UCHL1: variants seen among roughly 807,000 people sequenced by gnomAD.
UCHL1 encodes ubiquitin C-terminal hydrolase L1, also known as ubiquitin carboxyl-terminal hydrolase isozyme L1.
A neutral mutation model predicts 33.3 loss-of-function variants in UCHL1; 5 were observed. The observed-to-expected ratio is 0.15, with a 90% CI of 0.08 to 0.32. The LOEUF is 0.32. Ranked by LOEUF, UCHL1 falls within the 10% of genes least tolerant of loss-of-function variation. UCHL1 has a pLI of 1.00. For synonymous variants in UCHL1, 132 were observed against 108.8 expected (o/e 1.21, Z -1.33); for missense variants, 236 against 280.0 (o/e 0.84, Z 1.12).
At chr4:41,257,895 C>T (rs1282227064) in intron 3 of UCHL1, among the ~76,000 whole-genome samples, 158 bp downstream of exon 3, 2 of 152,202 alleles carry the variant, frequency 1.3e-5, no homozygotes, top group Non-Finnish European at 2.9e-5. Flanking sequence ...TACCTACTCC[C>T]TGGGCTCCTG....
At chr4:41,267,822 C>T (rs897168180) in intron 8 of UCHL1, among the ~76,000 whole-genome samples, 165 bp from the exon 9 acceptor site, 1 of 152,076 alleles carries the variant, frequency 6.6e-6, no homozygotes, top group Non-Finnish European at 1.5e-5. Context: ...CCTTGTCTTT[C>T]CCATCACCTG....
chr4:41,258,973 C>T (rs1176727497), intron 3 of UCHL1, among the ~76,000 whole-genome samples: 4 of 152,166 alleles, frequency 2.6e-5, no homozygotes, highest in South Asian at 4.1e-4. Flanking sequence ...CATGATGACT[C>T]GGAGGTTTTG....
At chr4:41,263,159 G>C (rs756738860) in intron 6 of UCHL1, 66 bp from the exon 7 acceptor site, 12 of 1,265,314 alleles carry the variant, frequency 9.5e-6, no homozygotes, top group Non-Finnish European at 1.3e-5. Context: ...CATTTCACTT[G>C]AATTGCAAGA....
rs763516024 is a variant in UCHL1, at chr4:41,256,929, G to A, written c.-48G>A. 1.4e-5 allele frequency: 22 copies of A among 1,613,744 alleles called. No homozygotes were observed. The highest frequency in any genetic ancestry group is 1.6e-5 in the Non-Finnish European group (19 of 1,179,980). On this transcript the variant is annotated 5_prime_UTR_variant, in exon 1 of 9. Coordinates refer to ENST00000284440, the MANE Select transcript of UCHL1 (RefSeq NM_004181.5). The stretch of plus-strand genomic sequence containing the variant: ...AGCTGCAGCCTGGGCGGCTCCGCTA[G>A]CTGTTTTTCGTCTTCCCTAGGCTAT...
intron 6 of UCHL1, among the ~76,000 whole-genome samples, 155 bp downstream of exon 6, chr4:41,262,078 C>A (rs542014346): frequency 1.4e-5 from 2 of 145,908 alleles, no homozygotes; most frequent in East Asian, 5.1e-4. Flanking sequence ...TTTGACTAGA[C>A]CTGTTCATAA....
intron 8 of UCHL1, 145 bp downstream of exon 8, chr4:41,264,306 G>A: frequency 2.0e-6 from 2 of 1,000,030 alleles, no homozygotes; most frequent in Non-Finnish European, 3.1e-6. Flanking sequence ...GATCCTCTTA[G>A]TAACTCTATC....
chr4:41,257,201 T>TGCTGGCAGGGACCAAGCCGCCC, intron 2 of UCHL1, 75 bp downstream of exon 2: 2 of 1,608,358 alleles, frequency 1.2e-6, no homozygotes, highest in Non-Finnish European at 1.7e-6. Flanking sequence ...CGGTTCCGGC[T>TGCTGGCAGGGACCAAGCCGCCC]GCTGGCAGGG....
At chr4:41,267,340 T>C (rs777419559) in intron 8 of UCHL1, among the ~76,000 whole-genome samples, 14 of 152,222 alleles carry the variant, frequency 9.2e-5, no homozygotes, top group African/African-American at 1.4e-4. Context: ...GCCTCCTGGG[T>C]TCACGCCATT....
At chr4:41,260,468 C>T (rs1047104706) in intron 3 of UCHL1, among the ~76,000 whole-genome samples, 179 bp from the exon 4 acceptor site, 1 of 152,144 alleles carries the variant, frequency 6.6e-6, no homozygotes, top group Non-Finnish European at 1.5e-5. Flanking sequence ...CACTGGCTGG[C>T]GTGGGTGGTG....
chr4:41,264,039 T>G (rs2154087265), intron 7 of UCHL1, 64 bp from the exon 8 acceptor site: 2 of 1,606,238 alleles, frequency 1.2e-6, no homozygotes, highest in South Asian at 2.2e-5. Flanking sequence ...CCATCTAGGC[T>G]AGGTAAGCAC....
intron 8 of UCHL1, among the ~76,000 whole-genome samples, chr4:41,265,394 A>G (rs1392741758): frequency 6.6e-6 from 1 of 152,182 alleles, no homozygotes; most frequent in Non-Finnish European, 1.5e-5. Flanking sequence ...CCTGGGCAAA[A>G]TGGTGAAACC....
intron 8 of UCHL1, 141 bp downstream of exon 8, chr4:41,264,302 C>A: frequency 9.9e-7 from 1 of 1,012,870 alleles, no homozygotes; most frequent in Non-Finnish European, 1.5e-6. Flanking sequence ...GCAAGATCCT[C>A]TTAGTAACTC....
chr4:41,263,187 C>T (rs1781100520), intron 6 of UCHL1, 38 bp from the exon 7 acceptor site: 1 of 1,506,516 alleles, frequency 6.6e-7, no homozygotes, highest in African/African-American at 1.4e-5. Flanking sequence ...TAAAATACAG[C>T]TTACACTCAT....
rs1263102747 is a variant in UCHL1, at chr4:41,260,749, A to G, written c.277A>G (p.Ile93Val). 5.0e-6 allele frequency: 8 copies of G among 1,614,066 alleles called. No homozygotes were observed. In the Middle Eastern group the frequency reaches 4.9e-4, roughly 99 times the overall value. Residue 93 changes from isoleucine (I) to valine (V), a missense_variant, in exon 4 of 9, where the codon ATC becomes GTC. Physicochemically the swap from Ile to Val is conservative, Grantham distance 29 (BLOSUM62 3). Transcript: ENST00000284440. ...GACCATTGGGAATTCCTGTGGCACA[A>G]TCGGACTTATTCACGCAGTGGCCAA... is the stretch of plus-strand genomic sequence containing the variant. ...KQTIGNSCGT[I>V]GLIHAVANNQ... is the part of the protein sequence containing the mutation.
In UCHL1 at chr4:41,257,129, G is replaced by A. The variant is rs371544761; in HGVS notation, c.45+3G>A. ...TTGCCTTTCAGATGCTGAACAAAGT[G>A]AGTGGCGTCTCGCGCCGTCTCTGGC... On this transcript the variant is annotated splice_donor_region_variant and intron_variant, in intron 2 of 8. Transcript: ENST00000284440. The A allele has an allele frequency of 9.3e-6, 15 of 1,612,862 alleles. No individual in the cohort carries two copies. The highest frequency in any genetic ancestry group is 1.2e-5 in the Non-Finnish European group (14 of 1,179,918).
rs767689458 is a variant in UCHL1 at position 41,256,962 on chromosome 4, G to C, written c.-15G>C. 65 of 1,614,034 alleles carry C rather than the reference G, an allele frequency of 4.0e-5. No homozygotes were observed. Among genetic ancestry groups the C allele is most frequent in the Middle Eastern group, 1.7e-4 (1 of 6,060 alleles). On this transcript the variant is annotated 5_prime_UTR_variant, in exon 1 of 9. Transcript: ENST00000284440. Reference sequence around the variant, plus strand: ...TCGTCTTCCCTAGGCTATTTCTGCCGGGCGCTCCGCGAAGATGCAGCTCAA... The same window carrying C: ...TCGTCTTCCCTAGGCTATTTCTGCCCGGCGCTCCGCGAAGATGCAGCTCAA...
chr4:41,259,142 C>T (rs1781030782), intron 3 of UCHL1, among the ~76,000 whole-genome samples: 1 of 152,202 alleles, frequency 6.6e-6, no homozygotes, highest in African/African-American at 2.4e-5. Context: ...TCAATTCAAC[C>T]TATCAGATTT....
intron 8 of UCHL1, among the ~76,000 whole-genome samples, chr4:41,266,613 C>G (rs1278352987): frequency 1.3e-5 from 2 of 152,062 alleles, no homozygotes; most frequent in Non-Finnish European, 2.9e-5. Context: ...TGATGTCAAT[C>G]CAGATACTCT....
chr4:41,265,268 G>A (rs1345928666), intron 8 of UCHL1, among the ~76,000 whole-genome samples: 2 of 152,192 alleles, frequency 1.3e-5, no homozygotes, highest in Non-Finnish European at 2.9e-5. Context: ...GACTTACATG[G>A]CAAACTGTGA....
Sources: gnomAD v4.1 joint callset for allele counts (sites outside exome capture counted in the v4.1 genomes callset) on GRCh38, gnomAD v4.1.1 for gene constraint, MANE v1.5 for transcripts, NCBI Gene and HGNC (gene_info 2026-07-23, HGNC 2026-07-21) for gene names.